The following GFRAL variants were observed in gnomAD, a reference collection of about 807,000 sequenced individuals.
GFRAL encodes the protein GDNF family receptor alpha-like.
In GFRAL, 36 loss-of-function variants were observed where a neutral mutation model predicts 45.4. The ratio of observed to expected loss-of-function variants is 0.79; its 90% CI spans 0.61 to 1.05. GFRAL has a LOEUF of 1.05. Ranked by LOEUF, GFRAL falls within the 50% of genes least tolerant of loss-of-function variation. The probability of loss-of-function intolerance (pLI) is 0.00; values close to 1 mark genes in which losing one functional copy is unlikely to be tolerated. For missense variants in GFRAL, 507 were observed against 467.5 expected (o/e 1.08, Z -0.78); for synonymous variants, 166 against 154.1 (o/e 1.08, Z -0.57).
chr6:55,369,165 T>C (rs1768412971), intron 6 of GFRAL, among the ~76,000 whole-genome samples: 1 of 151,736 alleles, frequency 6.6e-6, no homozygotes, highest in Admixed American at 6.6e-5. Context: ...TTTAAGCCCG[T>C]CGGAAAAGCG....
chr6:55,385,199 A>T (rs1768663434), intron 6 of GFRAL, among the ~76,000 whole-genome samples: 1 of 152,162 alleles, frequency 6.6e-6, no homozygotes, highest in Admixed American at 6.6e-5. Context: ...GAAAATAATT[A>T]TCCCATTTGA....
intron 7 of GFRAL, 28 bp downstream of exon 7, chr6:55,399,303 A>G (rs1334391130): frequency 6.6e-7 from 1 of 1,504,110 alleles, no homozygotes; most frequent in Admixed American, 1.7e-5. Flanking sequence ...CCTCTATAAT[A>G]TTTATATTAT....
chr6:55,386,750 C>A lies in GFRAL; in HGVS notation c.953-12430C>A, dbSNP rs1429826053. On this transcript the variant is annotated intron_variant, in intron 6 of 8. Transcript: ENST00000340465. ...GAGGAGTAGTTCCTAAAGATGCAGC[C>A]CATTCCAGTGGAGACAAATGCTGGC... is the stretch of plus-strand genomic sequence containing the variant. 2.0e-5 allele frequency among the ~76,000 whole-genome samples: 3 copies of A among 152,132 alleles called. No individual in the cohort carries two copies. In the East Asian group the frequency reaches 5.8e-4, roughly 29 times the overall value.
At chr6:55,356,364 C>G (rs1477360314) in intron 5 of GFRAL, among the ~76,000 whole-genome samples, 2 of 151,786 alleles carry the variant, frequency 1.3e-5, no homozygotes, top group African/African-American at 4.8e-5. Flanking sequence ...GGGAGACTTT[C>G]TATTATAGCT....
chr6:55,359,060 A>G lies in GFRAL; in HGVS notation c.874A>G (p.Thr292Ala). 1 of 1,612,436 alleles carries G rather than the reference A, an allele frequency of 6.2e-7. No homozygotes were observed. Among genetic ancestry groups the G allele is most frequent in the East Asian group, 2.2e-5 (1 of 44,818 alleles). Reference protein sequence around the residue: ...ILGTVLQVQCTCRTITQSEES... With the variant: ...ILGTVLQVQCACRTITQSEES... ...TGGGACGGTCCTTCAAGTGCAATGT[A>G]CCTGTAGGACCATTACACAAAGTGA... The change falls in exon 6 of 9, where the codon ACC becomes GCC. Residue 292 changes from threonine to alanine, a missense_variant. Transcript: ENST00000340465.
chr6:55,360,407 T>C (rs1768257466), intron 6 of GFRAL, among the ~76,000 whole-genome samples: 1 of 152,082 alleles, frequency 6.6e-6, no homozygotes, highest in Non-Finnish European at 1.5e-5. Flanking sequence ...TCTATATCTA[T>C]ATCTATATCT....
chr6:55,364,117 A>C (rs60659187), intron 6 of GFRAL, among the ~76,000 whole-genome samples: 4,434 of 144,554 alleles, frequency 0.031, 141 homozygotes, highest in African/African-American at 0.057. Context: ...CTGCCTTTTA[A>C]ATGATTGCCA....
intron 3 of GFRAL, among the ~76,000 whole-genome samples, chr6:55,342,384 A>T (rs1767980312): frequency 6.6e-6 from 1 of 152,166 alleles, no homozygotes. Context: ...ATTCTTAAAG[A>T]AAAGAATTTT....
chr6:55,385,654 T>C (rs1351221778), intron 6 of GFRAL, among the ~76,000 whole-genome samples: 2 of 152,106 alleles, frequency 1.3e-5, no homozygotes, highest in African/African-American at 2.4e-5. Context: ...TCTCGTCTAA[T>C]GATATAAATC....
At chr6:55,375,386 T>C (rs1022418367) in intron 6 of GFRAL, among the ~76,000 whole-genome samples, 2 of 152,156 alleles carry the variant, frequency 1.3e-5, no homozygotes, top group African/African-American at 4.8e-5. Context: ...TTTGTAGCAG[T>C]TGTAAATGCG....
At chr6:55,395,194 A>ATATATATATATATATATATAT (rs1768808613) in intron 6 of GFRAL, among the ~76,000 whole-genome samples, 1 of 147,766 alleles carries the variant, frequency 6.8e-6, no homozygotes, top group African/African-American at 2.5e-5. Context: ...ATATATATAT[A>ATATATATATATATATATATAT]AGCCAGCTAG....
In GFRAL at chr6:55,395,175, A is replaced by AAAAATATATATAT; in HGVS notation, c.953-4004_953-4003insAAATATATATATA. 1.3e-3 allele frequency among the ~76,000 whole-genome samples: 158 copies of AAAAATATATATAT among 123,450 alleles called. 1 individual carries two copies. The highest frequency in any genetic ancestry group is 5.2e-3 in the African/African-American group (150 of 28,908). The allele number at this position is 123,450 out of a possible 152,430, so 81.0% of individuals were successfully genotyped here. ...AATCAGCCTATGGAAAAAAAAAAAA[A>AAAAATATATATAT]ATATATATATATATATATAAGCCAG... On this transcript the variant is annotated intron_variant, in intron 6 of 8. Transcript: ENST00000340465.
chr6:55,333,862 C>T lies in GFRAL; in HGVS notation c.234C>T (p.Phe78=), dbSNP rs1260540208. 3.1e-6 allele frequency: 5 copies of T among 1,610,374 alleles called. No homozygotes were observed. The African/African-American group carries it at 5.4e-5, about 17-fold the overall frequency. Residue 78 remains phenylalanine (F), a synonymous_variant, in exon 3 of 9, where the codon TTC becomes TTT. Transcript: ENST00000340465. ...TCCAGTACTTAGTGGAAAGCAATTT[C>T]CAATTTAAAGAGTGTCTTTGCACTG... ...LSIQYLVESN[F]QFKECLCTDD... is the part of the protein sequence containing the mutation.
chr6:55,338,326 G>A (rs1463110073), intron 3 of GFRAL, among the ~76,000 whole-genome samples: 1 of 152,116 alleles, frequency 6.6e-6, no homozygotes, highest in African/African-American at 2.4e-5. Flanking sequence ...CTGACCTCAG[G>A]TGATCTGCCA....
rs987668888 is a variant in GFRAL, at chr6:55,339,257, G to A, written c.316+5313G>A. ...TGAAAAATTGTACAGGACTGGGGAC[G>A]AAAGTGATGAGTTGTATTCTGAAAA... On this transcript the variant is annotated intron_variant, in intron 3 of 8. Transcript: ENST00000340465. Among the ~76,000 whole-genome samples the A allele has an allele frequency of 5.9e-5, 9 of 152,232 alleles. No homozygotes were observed. The East Asian group carries it at 9.7e-4, about 16-fold the overall frequency.
chr6:55,379,838 C>T (rs1199848389), intron 6 of GFRAL, among the ~76,000 whole-genome samples: 2 of 151,754 alleles, frequency 1.3e-5, no homozygotes, highest in African/African-American at 4.8e-5. Flanking sequence ...AATAATCATC[C>T]CTCTATTCTC....
intron 6 of GFRAL, among the ~76,000 whole-genome samples, chr6:55,395,175 A>AAAAAAAATATAT: frequency 8.1e-6 from 1 of 123,512 alleles, no homozygotes; most frequent in African/African-American, 3.5e-5. Context: ...AAAAAAAAAA[A>AAAAAAAATATAT]ATATATATAT....
chr6:55,399,441 G>C lies in GFRAL; in HGVS notation c.1121G>C (p.Arg374Thr), dbSNP rs891488432. Residue 374 changes from arginine to threonine, a missense_variant and splice_region_variant, in exon 8 of 9, where the codon AGA (arginine) becomes ACA (threonine). Coordinates refer to ENST00000340465, the MANE Select transcript of GFRAL (RefSeq NM_207410.2). ...GILLLVMVKL[R>T]TSRISSKARD... is the part of the protein sequence containing the mutation. ...CTTCTGTTGGTTATGGTCAAGCTTA[G>C]GTAACTGAATATAAATTAGAAGGAA... 7 of 1,592,604 alleles carry C rather than the reference G, an allele frequency of 4.4e-6. No homozygotes were observed. In the African/African-American group the frequency reaches 6.7e-5, roughly 15 times the overall value.
chr6:55,390,864 G>A (rs1392456711), intron 6 of GFRAL, among the ~76,000 whole-genome samples: 1 of 147,404 alleles, frequency 6.8e-6, no homozygotes, highest in Non-Finnish European at 1.5e-5. Flanking sequence ...CTCCAGCCTC[G>A]GCGACAGAGC....
Sources: allele counts gnomAD v4.1 joint callset (sites outside exome capture counted in the v4.1 genomes callset), GRCh38; gene constraint gnomAD v4.1.1; transcripts MANE v1.5; gene names NCBI Gene and HGNC (gene_info 2026-07-23, HGNC 2026-07-21).